Variants in VRK2 observed in about 807,000 individuals in gnomAD.
VRK2 encodes serine/threonine-protein kinase VRK2.
VRK2 carries 60 observed loss-of-function variants against 57.6 expected under a neutral mutation model. That is an observed-to-expected ratio of 1.04 (90% CI 0.85 to 1.29). VRK2 has a LOEUF of 1.29. Ranked by LOEUF, VRK2 falls within the 50% of genes most tolerant of loss-of-function variation. VRK2 has a pLI of 0.00. For missense variants in VRK2, 705 were observed against 588.1 expected, an observed-to-expected ratio of 1.20 and a Z score of -2.06; for synonymous variants, 231 against 199.2, an observed-to-expected ratio of 1.16 and a Z score of -1.35.
At chr2:57,967,704 T>C (rs901389338) in intron 1 of VRK2, among the ~76,000 whole-genome samples, 1 of 152,178 alleles carries the variant, frequency 6.6e-6, no homozygotes, top group Admixed American at 6.6e-5. Context: ...TAAGAACTTA[T>C]CTATATAAGA....
intron 1 of VRK2, among the ~76,000 whole-genome samples, chr2:58,020,146 A>G (rs1198131585): frequency 6.6e-6 from 1 of 152,236 alleles, no homozygotes; most frequent in Non-Finnish European, 1.5e-5. Flanking sequence ...CATATAATCA[A>G]GTACTACCTA....
intron 1 of VRK2, among the ~76,000 whole-genome samples, chr2:58,010,991 A>C (rs748278733): frequency 1.3e-5 from 2 of 152,194 alleles, no homozygotes; most frequent in African/African-American, 2.4e-5. Flanking sequence ...TTCTGTTTTC[A>C]AAGGCATTTC....
intron 1 of VRK2, among the ~76,000 whole-genome samples, chr2:57,962,502 G>C (rs993302679): frequency 2.6e-5 from 4 of 152,092 alleles, no homozygotes; most frequent in African/African-American, 9.7e-5. Context: ...GTTTGGTGTA[G>C]AGATTAATTA....
chr2:58,071,375 A>AC (rs1669338984), intron 2 of VRK2, among the ~76,000 whole-genome samples: 1 of 151,922 alleles, frequency 6.6e-6, no homozygotes, highest in Non-Finnish European at 1.5e-5. Flanking sequence ...AAAACTCATT[A>AC]CCCTTAGGTC....
At chr2:58,155,572 A>G (rs1027265586) in intron 12 of VRK2, among the ~76,000 whole-genome samples, 4 of 152,066 alleles carry the variant, frequency 2.6e-5, no homozygotes, top group African/African-American at 4.8e-5. Context: ...CAATTTCCCT[A>G]ACACCCAGTG....
chr2:57,960,416 G>C (rs948452131), intron 1 of VRK2, among the ~76,000 whole-genome samples: 15 of 152,170 alleles, frequency 9.9e-5, no homozygotes, highest in Non-Finnish European at 2.9e-5. Flanking sequence ...AAGCTAGCAA[G>C]ATACAGAAAA....
intron 12 of VRK2, among the ~76,000 whole-genome samples, chr2:58,147,508 A>G (rs1318282704): frequency 2.0e-5 from 3 of 151,830 alleles, no homozygotes; most frequent in East Asian, 1.9e-4. Context: ...TTCTTTTTCA[A>G]CCCTTACTTA....
At chr2:58,105,490 C>G (rs779492321) in intron 7 of VRK2, among the ~76,000 whole-genome samples, 2 of 151,678 alleles carry the variant, frequency 1.3e-5, no homozygotes, top group Non-Finnish European at 3.0e-5. Flanking sequence ...TTAAAACCAA[C>G]TGAGATATCA....
At chr2:58,108,261 T>C (rs938944777) in intron 7 of VRK2, among the ~76,000 whole-genome samples, 3 of 152,182 alleles carry the variant, frequency 2.0e-5, no homozygotes, top group Non-Finnish European at 4.4e-5. Flanking sequence ...CAGTAACTCG[T>C]GGATCTCTTC....
intron 1 of VRK2, among the ~76,000 whole-genome samples, chr2:58,012,482 G>A (rs530602836): frequency 6.6e-6 from 1 of 152,070 alleles, no homozygotes; most frequent in East Asian, 1.9e-4. Context: ...TTTTTTTAAG[G>A]CTTTATTTAT....
At chr2:58,156,073 C>CTTTT (rs1400929951) in intron 12 of VRK2, among the ~76,000 whole-genome samples, 1 of 151,874 alleles carries the variant, frequency 6.6e-6, no homozygotes, top group Non-Finnish European at 1.5e-5. Flanking sequence ...TTGATAGGTG[C>CTTTT]TTTTTGTCCA....
At chr2:58,095,782 A>G (rs958399991) in intron 7 of VRK2, among the ~76,000 whole-genome samples, 1 of 152,132 alleles carries the variant, frequency 6.6e-6, no homozygotes, top group Non-Finnish European at 1.5e-5. Context: ...AATACATTCA[A>G]TACAGTATTA....
upstream of VRK2, among the ~76,000 whole-genome samples, chr2:58,043,024 C>G (rs1674524127): frequency 6.6e-6 from 1 of 152,140 alleles, no homozygotes; most frequent in Admixed American, 6.5e-5. Flanking sequence ...AAAAAAAACA[C>G]ATATTCTCAA....
At chr2:58,158,385 CTAG>C (rs1684338173) in intron 12 of VRK2, among the ~76,000 whole-genome samples, 2 of 151,912 alleles carry the variant, frequency 1.3e-5, no homozygotes, top group Non-Finnish European at 2.9e-5. Flanking sequence ...CATAGGAAAG[CTAG>C]TAGTTTTTAA....
chr2:58,127,089 A>G lies in VRK2; in HGVS notation c.676+3856A>G, dbSNP rs547875065. On this transcript the variant is annotated intron_variant, in intron 8 of 12. Transcript: ENST00000340157. Reference sequence around the variant, plus strand: ...AAATATGATATCTAAATTGTATTTTAAATGTCCATTTATCTAATATGTTTA... The same window carrying G: ...AAATATGATATCTAAATTGTATTTTGAATGTCCATTTATCTAATATGTTTA... Among the ~76,000 whole-genome samples, 4 of 152,218 alleles carry G rather than the reference A, an allele frequency of 2.6e-5. No individual in the cohort carries two copies. The East Asian group carries it at 7.7e-4, about 29-fold the overall frequency.
chr2:58,127,882 A>G (rs187458899), intron 8 of VRK2, among the ~76,000 whole-genome samples: 4 of 152,294 alleles, frequency 2.6e-5, no homozygotes, highest in African/African-American at 9.6e-5. Context: ...AGGGAGATAA[A>G]TCTTGGAATT....
At chr2:58,027,298 C>T (rs957790097) in intron 2 of VRK2, among the ~76,000 whole-genome samples, 11 of 151,986 alleles carry the variant, frequency 7.2e-5, no homozygotes, top group African/African-American at 2.7e-4. Context: ...GCCATCCAAC[C>T]CTATGGTCAT....
chr2:58,045,436 G>A (rs776966895), upstream of VRK2, among the ~76,000 whole-genome samples: 1 of 152,140 alleles, frequency 6.6e-6, no homozygotes, highest in Non-Finnish European at 1.5e-5. Context: ...AATTTGGAAA[G>A]GAGGAAAGAG....
intron 2 of VRK2, among the ~76,000 whole-genome samples, chr2:58,076,623 T>C (rs1217163894): frequency 4.6e-5 from 7 of 151,984 alleles, no homozygotes; most frequent in African/African-American, 1.7e-4. Context: ...TTTTTTGAAT[T>C]ATTTTGGTAA....
Sources: gnomAD v4.1 joint callset for allele counts (sites outside exome capture counted in the v4.1 genomes callset) on GRCh38, gnomAD v4.1.1 for gene constraint, MANE v1.5 for transcripts, NCBI Gene and HGNC (gene_info 2026-07-23, HGNC 2026-07-21) for gene names.